ADPRHL1: variants seen among roughly 807,000 people sequenced by gnomAD.
ADPRHL1 encodes the protein ADP-ribosylhydrolase like 1, also known as inactive ADP-ribosyltransferase ARH2.
A neutral mutation model predicts 44.1 loss-of-function variants in ADPRHL1; 43 were observed. That is an observed-to-expected ratio of 0.98 (90% CI 0.76 to 1.26). The LOEUF is 1.26. ADPRHL1 is among the 50% of genes most tolerant of loss of function. The pLI, the probability that ADPRHL1 is intolerant of heterozygous loss-of-function variation, is 0.00. For synonymous variants in ADPRHL1, 878 were observed against 1,017.4 expected (o/e 0.86, Z 2.61); for missense variants, 2,022 against 2,496.9 (o/e 0.81, Z 4.05).
At position 113,433,976 on chromosome 13, in the gene ADPRHL1, T is replaced by C. The variant is rs189287815; in HGVS notation, c.380-109A>G. The stretch of plus-strand genomic sequence containing the variant: ...AAGTAGAAAAATTTGTGTAATAACA[T>C]GTTATCAGAGTGTGGTTTAAATGAG... On this transcript the variant is annotated intron_variant, in intron 2 of 7. Coordinates refer to ENST00000612156, the MANE Select transcript of ADPRHL1 (RefSeq NM_001394807.1). The C allele has an allele frequency of 7.8e-6, 11 of 1,410,594 alleles. No homozygotes were observed. The East Asian group carries it at 1.3e-4, about 17-fold the overall frequency. 87.4% of individuals were successfully genotyped at this position (1,410,594 alleles called of 1,614,324 possible).
chr13:113,415,322 C>T (rs1217991962), intron 7 of ADPRHL1, among the ~76,000 whole-genome samples: 1 of 152,198 alleles, frequency 6.6e-6, no homozygotes, highest in Non-Finnish European at 1.5e-5. Context: ...AAGGGTTTAA[C>T]CAAAGGCATT....
Position 113,408,164 on chromosome 13 carries a change from T to A in ADPRHL1, c.1118A>T (p.Lys373Met). The A allele has an allele frequency of 8.1e-7, 1 of 1,232,046 alleles. No individual in the cohort carries two copies. The highest frequency in any genetic ancestry group is 3.2e-5 in the East Asian group (1 of 31,714). The allele number at this position is 1,232,046 out of a possible 1,614,324, so 76.3% of individuals were successfully genotyped here. Residue 373 changes from lysine to methionine, a missense_variant, in exon 8 of 8, where the codon AAG becomes ATG. Around this residue, in one of 8 missense-constraint regions of ADPRHL1, gnomAD observed 1,221 missense variants for 1,517.8 expected, o/e 0.80. Coordinates refer to ENST00000612156, the MANE Select transcript of ADPRHL1 (RefSeq NM_001394807.1). ...DVMSVDAQTL[K>M]KKMGKLACDP... is the part of the protein sequence containing the mutation. ...ACAGGCCAGCTTGCCCATCTTCTTC[T>A]TCAGGGTTTGGGCGTCCACAGACAT... is the stretch of plus-strand genomic sequence containing the variant.
intron 3 of ADPRHL1, among the ~76,000 whole-genome samples, chr13:113,429,457 C>T (rs1340230477): frequency 3.3e-5 from 5 of 152,226 alleles, no homozygotes; most frequent in South Asian, 2.1e-4. Context: ...CCACTCAGGA[C>T]GCATCCCCAG....
At chr13:113,437,974 G>C (rs2044073211) in intron 2 of ADPRHL1, among the ~76,000 whole-genome samples, 1 of 152,188 alleles carries the variant, frequency 6.6e-6, no homozygotes, top group African/African-American at 2.4e-5. Flanking sequence ...GGGATTACAG[G>C]CACACACCAC....
intron 7 of ADPRHL1, 55 bp downstream of exon 7, chr13:113,422,771 C>G: frequency 6.2e-7 from 1 of 1,604,232 alleles, no homozygotes. Context: ...GAGGGCCCTA[C>G]GGGCCCCGGG....
At position 113,407,086 on chromosome 13, in the gene ADPRHL1, A is replaced by G. The variant is rs1355252107; in HGVS notation, c.2196T>C (p.Pro732=). The G allele has an allele frequency of 8.1e-7, 1 of 1,232,248 alleles. No individual in the cohort carries two copies. The highest frequency in any genetic ancestry group is 3.2e-5 in the East Asian group (1 of 31,690). The allele number at this position is 1,232,248 out of a possible 1,614,324, so 76.3% of individuals were successfully genotyped here. ...CACCTCCGGCTGATCCGGTGCCCCA[A>G]GGGCTGGCCGGTCCCAGTGGGGATG... ...PASSPLGPAS[P]WGTGSAGGDG... Residue 732 remains proline, a synonymous_variant, in exon 8 of 8, where the codon CCT becomes CCC. Coordinates refer to ENST00000612156, the MANE Select transcript of ADPRHL1 (RefSeq NM_001394807.1).
chr13:113,434,725 C>T (rs1348026015), intron 2 of ADPRHL1, among the ~76,000 whole-genome samples: 3 of 124,454 alleles, frequency 2.4e-5, no homozygotes. Context: ...GGACCCGGCA[C>T]CCAGGCGTAG....
chr13:113,453,439 C>A lies in ADPRHL1; in HGVS notation c.-2G>T. 1 of 1,613,980 alleles carries A rather than the reference C, an allele frequency of 6.2e-7. No homozygotes were observed. Among genetic ancestry groups the A allele is most frequent in the Non-Finnish European group, 8.5e-7 (1 of 1,180,010 alleles). Reference sequence around the variant, plus strand: ...CATCGCAGCCTTAAATTTCTCCATCCCAGGAGGCAGCTCCTCTTCCCCAAC... The same window carrying A: ...CATCGCAGCCTTAAATTTCTCCATCACAGGAGGCAGCTCCTCTTCCCCAAC... On this transcript the variant is annotated 5_prime_UTR_variant, in exon 1 of 8. Coordinates refer to ENST00000612156, the MANE Select transcript of ADPRHL1 (RefSeq NM_001394807.1). The surrounding 1 kb of genome is among the most constrained non-coding windows in gnomAD (Gnocchi z 5.4).
intron 3 of ADPRHL1, among the ~76,000 whole-genome samples, chr13:113,429,936 C>A (rs1043241332): frequency 6.6e-6 from 1 of 152,164 alleles, no homozygotes; most frequent in Non-Finnish European, 1.5e-5. Context: ...TAAATGCATG[C>A]GAGTATATAT....
chr13:113,417,370 G>T (rs186157290), intron 7 of ADPRHL1, among the ~76,000 whole-genome samples: 145 of 152,360 alleles, frequency 9.5e-4, no homozygotes, highest in African/African-American at 3.2e-3. Context: ...GGAAGGCAGG[G>T]AGATGCTGCC....
At chr13:113,434,372 T>G (rs1343476145) in intron 2 of ADPRHL1, among the ~76,000 whole-genome samples, 3 of 147,700 alleles carry the variant, frequency 2.0e-5, no homozygotes, top group Non-Finnish European at 4.5e-5. Flanking sequence ...AACATAGGTG[T>G]ACCCTGGGAC....
intron 7 of ADPRHL1, among the ~76,000 whole-genome samples, chr13:113,416,878 C>T (rs535245788): frequency 6.6e-6 from 1 of 152,260 alleles, no homozygotes; most frequent in South Asian, 2.1e-4. Context: ...GTTTCAGAAA[C>T]AATTGTGTGT....
At chr13:113,426,354 G>T (rs1448035450) in intron 4 of ADPRHL1, among the ~76,000 whole-genome samples, 1 of 152,266 alleles carries the variant, frequency 6.6e-6, no homozygotes, top group Non-Finnish European at 1.5e-5. Flanking sequence ...GCCACAGAGG[G>T]TGGGAGCCGT....
Position 113,407,813 on chromosome 13 carries a change from T to G in ADPRHL1, c.1469A>C (p.Lys490Thr), listed in dbSNP as rs1370070655. 8.1e-7 allele frequency: 1 copy of G among 1,231,846 alleles called. No homozygotes were observed. Among genetic ancestry groups the G allele is most frequent in the African/African-American group, 1.6e-5 (1 of 64,428 alleles). The allele number at this position is 1,231,846 out of a possible 1,614,324, so 76.3% of individuals were successfully genotyped here. A position where few individuals can be genotyped will look rare whatever the true frequency, so the allele number is the denominator to read the frequency against. The change falls in exon 8 of 8, where the codon AAG (lysine) becomes ACG (threonine). Residue 490 changes from lysine to threonine, a missense_variant. Lys to Thr is a moderately conservative substitution (Grantham distance 78, BLOSUM62 -1). Coordinates refer to ENST00000612156, the MANE Select transcript of ADPRHL1 (RefSeq NM_001394807.1). Reference sequence around the variant, plus strand: ...CCCGGCCGGGTGGCCCCAGCGGGGCTTCTCGCTGAGGCAGGGCTTTGGGGC... The same window carrying G: ...CCCGGCCGGGTGGCCCCAGCGGGGCGTCTCGCTGAGGCAGGGCTTTGGGGC... ...EPAPKPCLSEKPRWGHPAGKS... is the reference protein window; with the variant it reads ...EPAPKPCLSETPRWGHPAGKS...
chr13:113,408,782 T>G (rs1401540625), intron 7 of ADPRHL1, among the ~76,000 whole-genome samples: 1 of 144,222 alleles, frequency 6.9e-6, no homozygotes, highest in East Asian at 2.0e-4. Flanking sequence ...CAGAAAGAGT[T>G]TCCTCACAAG....
At chr13:113,446,034 AC>A (rs2044134432) in intron 1 of ADPRHL1, among the ~76,000 whole-genome samples, 1 of 148,434 alleles carries the variant, frequency 6.7e-6, no homozygotes, top group Non-Finnish European at 1.5e-5. Flanking sequence ...GCGGCTGCAA[AC>A]CCCACAGAGA....
Position 113,400,631 on chromosome 13 carries a change from T to G in ADPRHL1, c.*2747A>C, listed in dbSNP as rs1264526472. On this transcript the variant is annotated 3_prime_UTR_variant, in exon 8 of 8. Transcript: ENST00000612156. ...GTGTGAATACTTCCCCGCGCTATCT[T>G]CTAACCTGCGCTGTCTCAGCTTAGT... 6.6e-6 allele frequency: 1 copy of G among 152,234 alleles called. No individual in the cohort carries two copies. The highest frequency in any genetic ancestry group is 1.9e-4 in the East Asian group (1 of 5,192). 9.4% of individuals were successfully genotyped at this position (152,234 alleles called of 1,614,324 possible). A position where few individuals can be genotyped will look rare whatever the true frequency, so the allele number is the denominator to read the frequency against.
At chr13:113,415,548 C>T (rs956800551) in intron 7 of ADPRHL1, among the ~76,000 whole-genome samples, 10 of 152,080 alleles carry the variant, frequency 6.6e-5, no homozygotes, top group Admixed American at 3.3e-4. Context: ...GTCAGGAGTT[C>T]GAGGCCAGTC....
At chr13:113,410,740 C>T (rs973123947) in intron 7 of ADPRHL1, among the ~76,000 whole-genome samples, 1 of 152,182 alleles carries the variant, frequency 6.6e-6, no homozygotes, top group Non-Finnish European at 1.5e-5. Context: ...CCCTCAACTG[C>T]GCCGTGGGGA....
Sources: gnomAD v4.1 joint callset for allele counts (sites outside exome capture counted in the v4.1 genomes callset) on GRCh38, gnomAD v4.1.1 for gene constraint, gnomAD v4.1.1 regional missense constraint, Gnocchi (gnomAD v3.1) non-coding constraint, MANE v1.5 for transcripts, NCBI Gene and HGNC (gene_info 2026-07-23, HGNC 2026-07-21) for gene names.